Variants in ADCY1 observed in about 807,000 individuals in gnomAD.
The protein encoded by ADCY1 is adenylate cyclase 1, also known as adenylate cyclase type 1.
Under a neutral mutation model 105.4 loss-of-function variants are expected in ADCY1, and 28 were observed. The observed-to-expected ratio is 0.27, with a 90% CI of 0.20 to 0.36. The LOEUF (loss-of-function observed/expected upper bound fraction) is 0.36, where lower values mean the gene tolerates loss of function less well. Among genes scored for constraint, ADCY1 ranks in the 10% least tolerant of loss-of-function variants. ADCY1 has a pLI of 1.00. For synonymous variants in ADCY1, 655 were observed against 623.8 expected (o/e 1.05, Z -0.75); for missense variants, 977 against 1,434.2 (o/e 0.68, Z 5.15).
At chr7:45,711,615 A>C (rs1344734235) in intron 19 of ADCY1, among the ~76,000 whole-genome samples, 1 of 35,324 alleles carries the variant, frequency 2.8e-5, no homozygotes, top group African/African-American at 8.0e-5. Context: ...CTGTATATAT[A>C]TATATATATA....
intron 14 of ADCY1, among the ~76,000 whole-genome samples, chr7:45,702,195 A>G (rs1168484358): frequency 6.6e-6 from 1 of 152,122 alleles, no homozygotes; most frequent in African/African-American, 2.4e-5. Context: ...AGCTCTGATA[A>G]TATCAGTACT....
At chr7:45,681,356 TTGG>T (rs1784552103) in intron 11 of ADCY1, among the ~76,000 whole-genome samples, 1 of 152,194 alleles carries the variant, frequency 6.6e-6, no homozygotes, top group South Asian at 2.1e-4. Context: ...TTTTGTTCTC[TTGG>T]TGGACTCTGC....
intron 5 of ADCY1, among the ~76,000 whole-genome samples, chr7:45,653,536 A>G (rs1794864099): frequency 1.3e-5 from 2 of 152,182 alleles, no homozygotes; most frequent in South Asian, 2.1e-4. Context: ...AGGCTTCCCA[A>G]TGTTCCCTCT....
intron 8 of ADCY1, among the ~76,000 whole-genome samples, chr7:45,672,104 T>A (rs1784378653): frequency 1.3e-5 from 2 of 152,338 alleles, no homozygotes; most frequent in Admixed American, 1.3e-4. Context: ...CATTTTGAGT[T>A]CATTTTTTAA....
At chr7:45,649,731 G>A (rs1328790433) in intron 5 of ADCY1, among the ~76,000 whole-genome samples, 1 of 152,230 alleles carries the variant, frequency 6.6e-6, no homozygotes, top group Non-Finnish European at 1.5e-5. Flanking sequence ...CTCAAGCATT[G>A]TGCCCACTTC....
intron 4 of ADCY1, among the ~76,000 whole-genome samples, chr7:45,643,046 T>A (rs1388899768): frequency 6.6e-6 from 1 of 152,092 alleles, no homozygotes; most frequent in Non-Finnish European, 1.5e-5. Context: ...CCGTCTTTTT[T>A]ATTTTTGGTG....
At chr7:45,636,661 C>A (rs1348928765) in intron 4 of ADCY1, among the ~76,000 whole-genome samples, 1 of 152,188 alleles carries the variant, frequency 6.6e-6, no homozygotes, top group Non-Finnish European at 1.5e-5. Context: ...CTGCCTCAAC[C>A]TCTCTAGTAG....
intron 4 of ADCY1, among the ~76,000 whole-genome samples, chr7:45,625,867 C>T (rs777526929): frequency 1.1e-4 from 16 of 152,202 alleles, no homozygotes; most frequent in Non-Finnish European, 2.1e-4. Flanking sequence ...TCTTGACTTC[C>T]CATGTGTGCA....
At chr7:45,666,501 C>A (rs1784258225) in intron 8 of ADCY1, among the ~76,000 whole-genome samples, 2 of 152,188 alleles carry the variant, frequency 1.3e-5, no homozygotes, top group Non-Finnish European at 2.9e-5. Flanking sequence ...TGTATATGTA[C>A]CACATTTTCT....
At position 45,648,615 on chromosome 7, in the gene ADCY1, C is replaced by T. The variant is rs573413960; in HGVS notation, c.1021-55C>T. On this transcript the variant is annotated intron_variant, in intron 4 of 19. Coordinates refer to ENST00000297323, the MANE Select transcript of ADCY1 (RefSeq NM_021116.4). ...CTAGAGGTGGTGGAGCCAGCAGTGGCGCTCACAGCCTCTGTAGCGCTGTCT... is the reference window on the plus strand; with the variant it reads ...CTAGAGGTGGTGGAGCCAGCAGTGGTGCTCACAGCCTCTGTAGCGCTGTCT... 2,892 of 1,606,898 alleles carry T rather than the reference C, an allele frequency of 1.8e-3. 5 individuals carry two copies. Among genetic ancestry groups the T allele is most frequent in the Non-Finnish European group, 2.3e-3 (2,668 of 1,175,576 alleles).
Position 45,574,586 on chromosome 7 carries a change from G to A in ADCY1, c.43G>A (p.Ala15Thr). Residue 15 changes from alanine to threonine, a missense_variant, in exon 1 of 20, where the codon GCG becomes ACG. Around this residue, in one of 7 missense-constraint regions of ADCY1, gnomAD observed 209 missense variants for 222.5 expected, o/e 0.94. Transcript: ENST00000297323. The surrounding 1 kb of genome is among the most constrained non-coding windows in gnomAD (Gnocchi z 7.0). ...CGGCGGAGGCGGCGGCGGAGGCGGC[G>A]CGGGCGAGCCCGGGGGCGCCGAGCG... ...PRGGGGGGGG[A>T]GEPGGAERAA... is the part of the protein sequence containing the mutation. 1 of 1,032,524 alleles carries A rather than the reference G, an allele frequency of 9.7e-7. No individual in the cohort carries two copies. The highest frequency in any genetic ancestry group is 1.2e-6 in the Non-Finnish European group (1 of 862,520). The allele number at this position is 1,032,524 out of a possible 1,614,324, so 64.0% of individuals were successfully genotyped here. A position where few individuals can be genotyped will look rare whatever the true frequency, so the allele number is the denominator to read the frequency against.
At chr7:45,577,804 G>A (rs1792393263) in intron 1 of ADCY1, among the ~76,000 whole-genome samples, 1 of 152,230 alleles carries the variant, frequency 6.6e-6, no homozygotes, top group Non-Finnish European at 1.5e-5. Flanking sequence ...GAGTTCCAGA[G>A]TCGGGTTAAC....
At chr7:45,706,990 GA>G (rs1458738277) in intron 17 of ADCY1, among the ~76,000 whole-genome samples, 1 of 152,146 alleles carries the variant, frequency 6.6e-6, no homozygotes, top group Non-Finnish European at 1.5e-5. Context: ...CTTTGCAAAT[GA>G]AAACAACAAT....
At chr7:45,665,265 A>G (rs1367104948) in intron 8 of ADCY1, among the ~76,000 whole-genome samples, 2 of 152,246 alleles carry the variant, frequency 1.3e-5, no homozygotes, top group East Asian at 3.8e-4. Context: ...TTTGGTCATG[A>G]AAATACGTTT....
Position 45,708,507 on chromosome 7 carries a change from C to T in ADCY1, c.2932+43C>T. On this transcript the variant is annotated intron_variant, in intron 18 of 19. Transcript: ENST00000297323. This position sits in a 1 kb window ranked among gnomAD's most constrained non-coding sequence, Gnocchi z 4.7. ...TATCCTGTCCATCCATGTGGAACAC[C>T]TTCCTACACCCACCTAGGGGTGGGA... is the stretch of plus-strand genomic sequence containing the variant. The T allele has an allele frequency of 1.4e-6, 2 of 1,449,274 alleles. No homozygotes were observed. Among genetic ancestry groups the T allele is most frequent in the Non-Finnish European group, 1.9e-6 (2 of 1,031,956 alleles). The allele number at this position is 1,449,274 out of a possible 1,614,324, so 89.8% of individuals were successfully genotyped here.
At position 45,598,955 on chromosome 7, in the gene ADCY1, C is replaced by T. The variant is rs570738780; in HGVS notation, c.789+6047C>T. Among the ~76,000 whole-genome samples, 146 of 152,304 alleles carry T rather than the reference C, an allele frequency of 9.6e-4. 1 individual carries two copies. In the South Asian group the frequency reaches 0.01, roughly 11 times the overall value. ...CATTAGTGGTTTGGCTTCTTGGTGC[C>T]GAAGTGGATTGGGTGGGCGTCAGGT... is the stretch of plus-strand genomic sequence containing the variant. On this transcript the variant is annotated intron_variant, in intron 2 of 19. Coordinates refer to ENST00000297323, the MANE Select transcript of ADCY1 (RefSeq NM_021116.4).
At chr7:45,615,932 T>C (rs768858719) in intron 3 of ADCY1, among the ~76,000 whole-genome samples, 1 of 152,044 alleles carries the variant, frequency 6.6e-6, no homozygotes, top group Non-Finnish European at 1.5e-5. Flanking sequence ...AAACATTAAA[T>C]AAGATTTTGA....
rs988052242 is a variant in ADCY1 at position 45,722,494 on chromosome 7, CCCTT to C, written c.*8501_*8504del. The stretch of plus-strand genomic sequence containing the variant: ...CTCGTGCACTTATTATGCACCACCT[CCCTT>C]CAGTCACCACTCCTCTTCCTCCGCC... On this transcript the variant is annotated 3_prime_UTR_variant, in exon 20 of 20. Transcript: ENST00000297323. 1 of 152,206 alleles carries C rather than the reference CCCTT, an allele frequency of 6.6e-6. No individual in the cohort carries two copies. Among genetic ancestry groups the C allele is most frequent in the African/African-American group, 2.4e-5 (1 of 41,428 alleles). The allele number at this position is 152,206 out of a possible 1,614,324, so 9.4% of individuals were successfully genotyped here. A position where few individuals can be genotyped will look rare whatever the true frequency, so the allele number is the denominator to read the frequency against.
chr7:45,687,263 A>G (rs1226238484), intron 14 of ADCY1, among the ~76,000 whole-genome samples: 2 of 152,188 alleles, frequency 1.3e-5, no homozygotes, highest in Non-Finnish European at 2.9e-5. Context: ...GCTGGAGAGG[A>G]GACATGCTTT....
Sources: gnomAD v4.1 joint callset for allele counts (sites outside exome capture counted in the v4.1 genomes callset) on GRCh38, gnomAD v4.1.1 for gene constraint, gnomAD v4.1.1 regional missense constraint, Gnocchi (gnomAD v3.1) non-coding constraint, MANE v1.5 for transcripts, NCBI Gene and HGNC (gene_info 2026-07-23, HGNC 2026-07-21) for gene names.